Variants in RPGRIP1 observed in about 807,000 individuals in gnomAD.
RPGRIP1 encodes X-linked retinitis pigmentosa GTPase regulator-interacting protein 1.
In RPGRIP1, 128 loss-of-function variants were observed where a neutral mutation model predicts 157.9. The observed-to-expected ratio is 0.81, with a 90% CI of 0.70 to 0.94. RPGRIP1 has a LOEUF of 0.94. Among genes scored for constraint, RPGRIP1 ranks in the 40% least tolerant of loss-of-function variants. RPGRIP1 has a pLI of 0.00. For synonymous variants in RPGRIP1, 554 were observed against 571.6 expected, an observed-to-expected ratio of 0.97 and a Z score of 0.44; for missense variants, 1,486 against 1,545.8, an observed-to-expected ratio of 0.96 and a Z score of 0.65.
chr14:21,313,345 G>GAA (rs5807074), intron 10 of RPGRIP1, among the ~76,000 whole-genome samples: 1 of 129,718 alleles, frequency 7.7e-6, no homozygotes, highest in Non-Finnish European at 1.7e-5. Context: ...TCCACAAAAA[G>GAA]AAAAAAAAAA....
chr14:21,322,671 C>T (rs1882633623), intron 14 of RPGRIP1, among the ~76,000 whole-genome samples: 1 of 152,156 alleles, frequency 6.6e-6, no homozygotes, highest in Non-Finnish European at 1.5e-5. Context: ...TCTCCCCTGT[C>T]CCTCTCTCCT....
intron 3 of RPGRIP1, among the ~76,000 whole-genome samples, chr14:21,298,768 C>A (rs563450651): frequency 7.9e-5 from 12 of 151,356 alleles, no homozygotes; most frequent in Non-Finnish European, 1.3e-4. Context: ...GGTGAAACCC[C>A]GTCTCTACTA....
chr14:21,293,201 G>T (rs11850732), intron 2 of RPGRIP1, among the ~76,000 whole-genome samples: 1 of 152,062 alleles, frequency 6.6e-6, no homozygotes, highest in South Asian at 2.1e-4. Context: ...CATTCACCAT[G>T]AGATCAGAGC....
At chr14:21,335,518 A>T (rs777330264) in intron 21 of RPGRIP1, among the ~76,000 whole-genome samples, 3 of 152,106 alleles carry the variant, frequency 2.0e-5, no homozygotes, top group Admixed American at 6.6e-5. Context: ...TTTAAGAGAC[A>T]CGCATCAAAA....
At chr14:21,281,194 T>G (rs1390719642) in intron 1 of RPGRIP1, among the ~76,000 whole-genome samples, 3 of 152,008 alleles carry the variant, frequency 2.0e-5, no homozygotes, top group Non-Finnish European at 2.9e-5. Flanking sequence ...ATTTTTGCAT[T>G]TTTAGTAGAG....
chr14:21,347,187 T>C (rs978623991), intron 23 of RPGRIP1, among the ~76,000 whole-genome samples: 1 of 152,266 alleles, frequency 6.6e-6, no homozygotes, highest in Non-Finnish European at 1.5e-5. Context: ...CAGTATGGTC[T>C]AGCAGACAGA....
chr14:21,287,146 C>G (rs563167912), intron 1 of RPGRIP1, among the ~76,000 whole-genome samples: 1 of 151,964 alleles, frequency 6.6e-6, no homozygotes, highest in Non-Finnish European at 1.5e-5. Context: ...GCCTGTAATC[C>G]CAACACTTTG....
intron 21 of RPGRIP1, among the ~76,000 whole-genome samples, chr14:21,336,396 G>A (rs941102571): frequency 2.0e-5 from 3 of 152,224 alleles, no homozygotes; most frequent in Non-Finnish European, 4.4e-5. Context: ...CTAGCTAGGC[G>A]TGTTGGCTCA....
intron 19 of RPGRIP1, 78 bp downstream of exon 19, chr14:21,328,705 A>G: frequency 1.0e-6 from 1 of 989,882 alleles, no homozygotes; most frequent in South Asian, 1.5e-5. Context: ...AGGTAGAAGC[A>G]GAAGCAGAAG....
chr14:21,281,929 C>A (rs1206989156), intron 1 of RPGRIP1, among the ~76,000 whole-genome samples: 4 of 151,634 alleles, frequency 2.6e-5, no homozygotes, highest in Non-Finnish European at 4.4e-5. Context: ...CTTGTCTCTA[C>A]TAAAAAATAC....
At chr14:21,309,148 C>T (rs1225659953) in intron 7 of RPGRIP1, among the ~76,000 whole-genome samples, 2 of 152,146 alleles carry the variant, frequency 1.3e-5, no homozygotes, top group Admixed American at 1.3e-4. Context: ...AGAAAACTTT[C>T]CAAGGACCCC....
At chr14:21,346,132 A>G (rs1439251486) in intron 23 of RPGRIP1, among the ~76,000 whole-genome samples, 4 of 152,150 alleles carry the variant, frequency 2.6e-5, no homozygotes, top group African/African-American at 9.7e-5. Flanking sequence ...TTTGATGTTG[A>G]CATAACTAAG....
rs138178189 is a variant in RPGRIP1 at position 21,291,105 on chromosome 14, A to G, written c.85+3044A>G. 3.4e-4 allele frequency among the ~76,000 whole-genome samples: 51 copies of G among 152,018 alleles called. No individual in the cohort carries two copies. The East Asian group carries it at 7.5e-3, about 22-fold the overall frequency. ...TCATATGCTTATTTGCCATTTGTAT[A>G]TCTACTTGGGAGAAATGTCTATTCA... On this transcript the variant is annotated intron_variant, in intron 2 of 24. Coordinates refer to ENST00000400017, the MANE Select transcript of RPGRIP1 (RefSeq NM_020366.4).
At chr14:21,349,631 A>G (rs370683355) in intron 24 of RPGRIP1, among the ~76,000 whole-genome samples, 9 of 149,236 alleles carry the variant, frequency 6.0e-5, no homozygotes, top group Admixed American at 4.7e-4. Flanking sequence ...CGAACTCCCA[A>G]CCTCATGTGA....
Position 21,327,495 on chromosome 14 carries a change from G to A in RPGRIP1, c.2711-128G>A, listed in dbSNP as rs1594219999. Reference sequence around the variant, plus strand: ...TGTATCATCATCGTAATTATTTAATGGATGTTAATTAATTGCTGATAAAAT... The same window carrying A: ...TGTATCATCATCGTAATTATTTAATAGATGTTAATTAATTGCTGATAAAAT... On this transcript the variant is annotated intron_variant, in intron 17 of 24. Transcript: ENST00000400017. The A allele has an allele frequency of 6.9e-6, 5 of 726,146 alleles. No homozygotes were observed. In the East Asian group the frequency reaches 1.3e-4, roughly 20 times the overall value. 45.0% of individuals were successfully genotyped at this position (726,146 alleles called of 1,614,324 possible).
intron 10 of RPGRIP1, among the ~76,000 whole-genome samples, chr14:21,317,004 C>T (rs544224211): frequency 5.3e-5 from 8 of 151,926 alleles, no homozygotes; most frequent in Non-Finnish European, 7.4e-5. Context: ...ACTTTAATCC[C>T]AGCTACTCAG....
intron 2 of RPGRIP1, 50 bp from the exon 3 acceptor site, chr14:21,294,626 CA>C: frequency 1.3e-6 from 2 of 1,589,052 alleles, no homozygotes; most frequent in Non-Finnish European, 8.6e-7. Context: ...CTAAAGGGTT[CA>C]AAAAATAGGT....
intron 21 of RPGRIP1, among the ~76,000 whole-genome samples, chr14:21,338,535 A>T (rs1477374909): frequency 6.6e-6 from 1 of 152,214 alleles, no homozygotes; most frequent in African/African-American, 2.4e-5. Flanking sequence ...AATATTACTA[A>T]TTGCATACTT....
At chr14:21,283,694 C>T (rs900424074) in intron 1 of RPGRIP1, among the ~76,000 whole-genome samples, 2 of 151,694 alleles carry the variant, frequency 1.3e-5, no homozygotes, top group African/African-American at 4.8e-5. Flanking sequence ...TCTGCTTTGC[C>T]CAGGCTGGAG....
Sources: allele counts gnomAD v4.1 joint callset (sites outside exome capture counted in the v4.1 genomes callset), GRCh38; gene constraint gnomAD v4.1.1; transcripts MANE v1.5; gene names NCBI Gene and HGNC (gene_info 2026-07-23, HGNC 2026-07-21).